Variants in AKT3 observed in about 807,000 individuals in gnomAD.
AKT3 encodes AKT serine/threonine kinase 3, also known as RAC-gamma serine/threonine-protein kinase.
In AKT3, 15 loss-of-function variants were observed where a neutral mutation model predicts 65.3. The ratio of observed to expected loss-of-function variants is 0.23; its 90% CI spans 0.15 to 0.35. The LOEUF (loss-of-function observed/expected upper bound fraction) is 0.35. AKT3 is among the 10% of genes least tolerant of loss of function. AKT3 has a pLI of 1.00. For synonymous variants in AKT3, 206 were observed against 183.8 expected, an observed-to-expected ratio of 1.12 and a Z score of -0.98; for missense variants, 243 against 576.5, an observed-to-expected ratio of 0.42 and a Z score of 5.92.
chr1:243,777,390 T>C, intron 2 of AKT3, among the ~76,000 whole-genome samples: 1 of 152,212 alleles, frequency 6.6e-6, no homozygotes, highest in Non-Finnish European at 1.5e-5. Flanking sequence ...GGCCATGGAC[T>C]GGTACTGGTC....
At chr1:243,735,738 CCA>C (rs373837824) in intron 2 of AKT3, 1 of 152,238 alleles carries the variant, frequency 6.6e-6, no homozygotes, top group African/African-American at 2.4e-5. Context: ...TGCATGCTCA[CCA>C]CAATCACCTG....
At position 243,503,228 on chromosome 1, in the gene AKT3, G is replaced by C. The variant is rs1048967642; in HGVS notation, c.*2021C>G. The C allele has an allele frequency of 4.7e-5, 11 of 233,560 alleles. No individual in the cohort carries two copies. Among genetic ancestry groups the C allele is most frequent in the Non-Finnish European group, 7.6e-5 (9 of 118,058 alleles). The allele number at this position is 233,560 out of a possible 1,614,324, so 14.5% of individuals were successfully genotyped here. On this transcript the variant is annotated 3_prime_UTR_variant, in exon 14 of 14. Coordinates refer to ENST00000673466, the MANE Select transcript of AKT3 (RefSeq NM_005465.7). ...AAAAAGAAGGATAACGTTGATGTCT[G>C]AATATGTCTTAGCTGCCTTAGTAAA...
chr1:243,600,018 A>G (rs897581779), intron 8 of AKT3, among the ~76,000 whole-genome samples: 4 of 152,114 alleles, frequency 2.6e-5, no homozygotes, highest in Non-Finnish European at 4.4e-5. Context: ...AATCAACTAC[A>G]AATTGAAATT....
intron 2 of AKT3, among the ~76,000 whole-genome samples, chr1:243,808,415 G>A (rs1194567433): frequency 1.3e-5 from 2 of 152,186 alleles, no homozygotes; most frequent in African/African-American, 4.8e-5. Context: ...CGATCAACTG[G>A]AAGAAAGGGT....
intron 2 of AKT3, among the ~76,000 whole-genome samples, chr1:243,812,291 T>C (rs1693213304): frequency 6.6e-6 from 1 of 152,018 alleles, no homozygotes; most frequent in Non-Finnish European, 1.5e-5. Context: ...AGGGTTAATA[T>C]CCAGAATCTA....
At chr1:243,616,240 T>C (rs1411317406) in intron 6 of AKT3, among the ~76,000 whole-genome samples, 3 of 146,844 alleles carry the variant, frequency 2.0e-5, no homozygotes, top group African/African-American at 7.6e-5. Flanking sequence ...AAGTCCACTG[T>C]ATCCTTCTTT....
chr1:243,505,244 GA>G lies in AKT3; in HGVS notation c.*4del. Reference sequence around the variant, plus strand: ...ATGACAGTGAAGTAGCAGAATGAAAGAGACTTATTCTCGTCCACTTGCAGAG... The same window carrying G: ...ATGACAGTGAAGTAGCAGAATGAAAGGACTTATTCTCGTCCACTTGCAGAG... On this transcript the variant is annotated 3_prime_UTR_variant, in exon 14 of 14. Transcript: ENST00000673466. The G allele has an allele frequency of 1.2e-6, 2 of 1,611,030 alleles. No individual in the cohort carries two copies. Among genetic ancestry groups the G allele is most frequent in the Non-Finnish European group, 1.7e-6 (2 of 1,177,170 alleles).
In AKT3 at chr1:243,500,860, G is replaced by C. The variant is rs1282268528; in HGVS notation, c.*4389C>G. On this transcript the variant is annotated 3_prime_UTR_variant, in exon 14 of 14. Coordinates refer to ENST00000673466, the MANE Select transcript of AKT3 (RefSeq NM_005465.7). ...CCTGAAACAGTAGAACTTCTATTCA[G>C]ATTCAGAAGTTTTTTATTTCATCAA... 2.6e-5 allele frequency: 6 copies of C among 228,844 alleles called. No homozygotes were observed. Among genetic ancestry groups the C allele is most frequent in the Non-Finnish European group, 5.2e-5 (6 of 115,468 alleles). 14.2% of individuals were successfully genotyped at this position (228,844 alleles called of 1,614,324 possible). A position where few individuals can be genotyped will look rare whatever the true frequency, so the allele number is the denominator to read the frequency against.
chr1:243,665,246 A>C (rs1558698025), intron 3 of AKT3, among the ~76,000 whole-genome samples: 1 of 152,198 alleles, frequency 6.6e-6, no homozygotes, highest in Non-Finnish European at 1.5e-5. Context: ...TTGAAGGTCC[A>C]GATCAAATAT....
intron 5 of AKT3, among the ~76,000 whole-genome samples, chr1:243,638,438 T>C (rs1247584414): frequency 6.6e-6 from 1 of 152,136 alleles, no homozygotes; most frequent in Non-Finnish European, 1.5e-5. Context: ...ACTTGTTCTC[T>C]ACAGTCCCCT....
intron 8 of AKT3, among the ~76,000 whole-genome samples, chr1:243,580,972 C>T (rs1017477637): frequency 2.0e-5 from 3 of 152,150 alleles, no homozygotes; most frequent in African/African-American, 4.8e-5. Context: ...GTCACCCCAC[C>T]CCTCCTATGC....
chr1:243,767,057 T>C (rs1356351402), intron 2 of AKT3, among the ~76,000 whole-genome samples: 1 of 152,114 alleles, frequency 6.6e-6, no homozygotes, highest in Non-Finnish European at 1.5e-5. Flanking sequence ...TGGAATTCAC[T>C]GATACACAAA....
At chr1:243,597,565 A>G (rs902443333) in intron 8 of AKT3, among the ~76,000 whole-genome samples, 1 of 152,180 alleles carries the variant, frequency 6.6e-6, no homozygotes, top group Non-Finnish European at 1.5e-5. Context: ...GTGCAGTCGC[A>G]TGATGGCTCA....
At chr1:243,682,376 T>G (rs1212657008) in intron 3 of AKT3, among the ~76,000 whole-genome samples, 3 of 152,180 alleles carry the variant, frequency 2.0e-5, no homozygotes, top group Non-Finnish European at 4.4e-5. Flanking sequence ...TATAACCTTT[T>G]TAGCTTAAAT....
chr1:243,706,450 C>A (rs1014915048), intron 2 of AKT3, among the ~76,000 whole-genome samples: 6 of 152,104 alleles, frequency 3.9e-5, no homozygotes, highest in Non-Finnish European at 8.8e-5. Context: ...TTCAACCCAC[C>A]CATCCCACTC....
At chr1:243,813,174 T>TA (rs958841573) in intron 2 of AKT3, among the ~76,000 whole-genome samples, 15 of 150,656 alleles carry the variant, frequency 1.0e-4, no homozygotes, top group South Asian at 6.3e-4. Flanking sequence ...ACTTAAAGTA[T>TA]AAAAAAAAAG....
At chr1:243,738,862 C>T (rs566328659) in intron 2 of AKT3, among the ~76,000 whole-genome samples, 87 of 152,228 alleles carry the variant, frequency 5.7e-4, no homozygotes, top group African/African-American at 2.0e-3. Context: ...TTTAGTTTGT[C>T]AATAAAAAAT....
At chr1:243,766,550 T>C (rs748732637) in intron 2 of AKT3, among the ~76,000 whole-genome samples, 4 of 152,136 alleles carry the variant, frequency 2.6e-5, no homozygotes, top group Non-Finnish European at 5.9e-5. Context: ...TTAACAAACA[T>C]TACAATGTCT....
intron 12 of AKT3, among the ~76,000 whole-genome samples, chr1:243,535,550 T>C (rs552827413): frequency 2.6e-5 from 4 of 152,338 alleles, no homozygotes; most frequent in African/African-American, 7.2e-5. Flanking sequence ...GAATACATTA[T>C]TTTGTTCTTT....
Sources: allele counts gnomAD v4.1 joint callset (sites outside exome capture counted in the v4.1 genomes callset), GRCh38; gene constraint gnomAD v4.1.1; transcripts MANE v1.5; gene names NCBI Gene and HGNC (gene_info 2026-07-23, HGNC 2026-07-21).